Variants in NREP observed in about 807,000 individuals in gnomAD.
NREP encodes the protein neuronal regeneration-related protein.
Under a neutral mutation model 8.6 loss-of-function variants are expected in NREP, and 5 were observed. The ratio of observed to expected loss-of-function variants is 0.58; its 90% CI spans 0.30 to 1.22. The LOEUF (loss-of-function observed/expected upper bound fraction) is 1.22. NREP is among the 50% of genes most tolerant of loss of function. The pLI, the probability that NREP is intolerant of heterozygous loss-of-function variation, is 0.07. For synonymous variants in NREP, 27 were observed against 28.0 expected (o/e 0.96, Z 0.11); for missense variants, 86 against 82.5 (o/e 1.04, Z -0.17).
downstream of NREP, chr5:111,729,186 A>T (rs1192173148): frequency 6.6e-6 from 1 of 152,182 alleles, no homozygotes; most frequent in African/African-American, 2.4e-5. Flanking sequence ...CTCTCTTTTG[A>T]TATTTGCCCT....
intron 2 of NREP, among the ~76,000 whole-genome samples, chr5:111,908,079 A>T (rs1041784298): frequency 6.6e-6 from 1 of 152,054 alleles, no homozygotes; most frequent in Admixed American, 6.6e-5. Flanking sequence ...GCTGGTAAAA[A>T]TTAGTAAATG....
chr5:111,836,152 G>C (rs915098889), intron 2 of NREP, among the ~76,000 whole-genome samples: 1 of 152,116 alleles, frequency 6.6e-6, no homozygotes, highest in Non-Finnish European at 1.5e-5. Flanking sequence ...CTTTCAAAGA[G>C]TTTGCAATCT....
At chr5:111,736,950 A>C (rs1161816915) in intron 2 of NREP, among the ~76,000 whole-genome samples, 4 of 152,164 alleles carry the variant, frequency 2.6e-5, no homozygotes, top group Non-Finnish European at 5.9e-5. Context: ...CCAGAATGCA[A>C]ATCGCCTACC....
At chr5:111,969,309 G>A (rs537241528) in intron 2 of NREP, 3 of 152,320 alleles carry the variant, frequency 2.0e-5, no homozygotes, top group African/African-American at 7.2e-5. Flanking sequence ...CCAGGACACT[G>A]AACAAAAGCA....
Position 111,963,562 on chromosome 5 carries a change from A to AG in NREP, c.135+11711dup, listed in dbSNP as rs531967981. On this transcript the variant is annotated intron_variant, in intron 2 of 3. Coordinates refer to the NREP transcript ENST00000395634. ...GAAACCCTGCCCAGAGATGTATTTCAGGGCTTTCTACTAGCCATGCTGTTT... is the reference window on the plus strand; with the variant it reads ...GAAACCCTGCCCAGAGATGTATTTCAGGGGCTTTCTACTAGCCATGCTGTTT... Among the ~76,000 whole-genome samples the AG allele has an allele frequency of 1.9e-3, 283 of 152,368 alleles. 2 individuals are homozygous for AG. The highest frequency in any genetic ancestry group is 3.7e-3 in the Admixed American group (57 of 15,310).
At chr5:111,801,640 T>C (rs955776560) in intron 2 of NREP, among the ~76,000 whole-genome samples, 6 of 152,198 alleles carry the variant, frequency 3.9e-5, no homozygotes, top group East Asian at 3.8e-4. Context: ...GAAAAAAATA[T>C]ATACATACAA....
At chr5:111,950,008 T>A (rs1053208767) in intron 2 of NREP, among the ~76,000 whole-genome samples, 1 of 152,110 alleles carries the variant, frequency 6.6e-6, no homozygotes, top group African/African-American at 2.4e-5. Flanking sequence ...ATTGCCATAC[T>A]GTCTTCCACA....
intron 2 of NREP, among the ~76,000 whole-genome samples, chr5:111,870,654 T>C (rs1753768285): frequency 6.6e-6 from 1 of 152,068 alleles, no homozygotes; most frequent in Non-Finnish European, 1.5e-5. Flanking sequence ...ATTTGGACCT[T>C]ATTTGGAAGG....
At chr5:111,966,432 G>A (rs1208383416) in intron 2 of NREP, among the ~76,000 whole-genome samples, 1 of 152,146 alleles carries the variant, frequency 6.6e-6, no homozygotes, top group Non-Finnish European at 1.5e-5. Flanking sequence ...TATTGGTATT[G>A]GGATTTTTAA....
chr5:111,783,071 G>C (rs1227944798), intron 2 of NREP, among the ~76,000 whole-genome samples: 4 of 151,994 alleles, frequency 2.6e-5, no homozygotes, highest in Non-Finnish European at 4.4e-5. Flanking sequence ...TCAGGCTCTG[G>C]GTGAACTCAT....
intron 2 of NREP, among the ~76,000 whole-genome samples, chr5:111,905,528 C>T (rs1754760388): frequency 6.6e-6 from 1 of 152,088 alleles, no homozygotes; most frequent in Admixed American, 6.6e-5. Flanking sequence ...TAGACCGTGG[C>T]TTAAATTATT....
chr5:111,885,136 A>G (rs1183192033), intron 2 of NREP, among the ~76,000 whole-genome samples: 4 of 152,092 alleles, frequency 2.6e-5, no homozygotes, highest in Non-Finnish European at 5.9e-5. Context: ...GTCTCAGGAT[A>G]CAAAATCAAT....
At chr5:111,792,065 C>T (rs1227932569) in intron 2 of NREP, among the ~76,000 whole-genome samples, 1 of 152,108 alleles carries the variant, frequency 6.6e-6, no homozygotes, top group Non-Finnish European at 1.5e-5. Flanking sequence ...AAATAATTTG[C>T]TTTAGACCTA....
chr5:111,966,767 AAACT>A (rs2112662922), intron 2 of NREP, among the ~76,000 whole-genome samples: 1 of 152,184 alleles, frequency 6.6e-6, no homozygotes, highest in Admixed American at 6.5e-5. Context: ...ACAAGTAATA[AAACT>A]AACAAAACTT....
chr5:111,851,997 A>AC (rs1753321243), intron 2 of NREP, among the ~76,000 whole-genome samples: 1 of 152,034 alleles, frequency 6.6e-6, no homozygotes, highest in Admixed American at 6.6e-5. Context: ...GTTGAAACTT[A>AC]CCCCCCATTG....
chr5:111,868,737 C>T (rs530125615), intron 2 of NREP, among the ~76,000 whole-genome samples: 11 of 152,300 alleles, frequency 7.2e-5, no homozygotes, highest in African/African-American at 2.6e-4. Context: ...ACAGAACTGC[C>T]TCTGCAGATA....
chr5:111,905,902 G>A (rs1337553694), intron 2 of NREP, among the ~76,000 whole-genome samples: 1 of 151,966 alleles, frequency 6.6e-6, no homozygotes, highest in Non-Finnish European at 1.5e-5. Context: ...AAAGTAATCT[G>A]GAAAAGTTTA....
intron 2 of NREP, among the ~76,000 whole-genome samples, chr5:111,871,195 T>C (rs1753783275): frequency 6.6e-6 from 1 of 152,062 alleles, no homozygotes; most frequent in Non-Finnish European, 1.5e-5. Flanking sequence ...TATAGCCCAC[T>C]ACCCACTGAG....
chr5:111,742,659 C>G (rs1240960572), intron 2 of NREP, among the ~76,000 whole-genome samples: 2 of 152,086 alleles, frequency 1.3e-5, no homozygotes, highest in African/African-American at 4.8e-5. Flanking sequence ...TAAAACCATT[C>G]ATTACGTGAG....
Sources: gnomAD v4.1 joint callset for allele counts (sites outside exome capture counted in the v4.1 genomes callset) on GRCh38, gnomAD v4.1.1 for gene constraint, MANE v1.5 for transcripts, NCBI Gene and HGNC (gene_info 2026-07-23, HGNC 2026-07-21) for gene names.